SLC17A8: variants seen among roughly 807,000 people sequenced by gnomAD.
SLC17A8 encodes solute carrier family 17 member 8.
Under a neutral mutation model 58.0 loss-of-function variants are expected in SLC17A8, and 31 were observed. The observed-to-expected ratio is 0.53, with a 90% CI of 0.40 to 0.72. SLC17A8 has a LOEUF of 0.72. Ranked by LOEUF, SLC17A8 falls within the 30% of genes least tolerant of loss-of-function variation. The probability of loss-of-function intolerance (pLI) is 0.00; values close to 1 mark genes in which losing one functional copy is unlikely to be tolerated. For missense variants in SLC17A8, 655 were observed against 727.8 expected, an observed-to-expected ratio of 0.90 and a Z score of 1.15; for synonymous variants, 228 against 249.0, an observed-to-expected ratio of 0.92 and a Z score of 0.79.
intron 1 of SLC17A8, among the ~76,000 whole-genome samples, chr12:100,359,891 T>C (rs965851512): frequency 2.6e-5 from 4 of 152,218 alleles, no homozygotes; most frequent in Non-Finnish European, 5.9e-5. Flanking sequence ...CTGTTTTCTG[T>C]TTTGTAGGAG....
intron 1 of SLC17A8, among the ~76,000 whole-genome samples, chr12:100,365,942 T>C (rs1174152243): frequency 6.6e-6 from 1 of 152,174 alleles, no homozygotes; most frequent in Admixed American, 6.5e-5. Flanking sequence ...TGTGAATTTC[T>C]TAGCCTCCTT....
At chr12:100,373,577 CTTTTTTT>C (rs11296057) in intron 1 of SLC17A8, among the ~76,000 whole-genome samples, 2 of 87,654 alleles carry the variant, frequency 2.3e-5, no homozygotes, top group South Asian at 5.2e-4. Context: ...AAATCAGTGA[CTTTTTTT>C]TTTTTTTTTT....
At chr12:100,377,570 T>G (rs1952603030) in intron 1 of SLC17A8, among the ~76,000 whole-genome samples, 1 of 125,448 alleles carries the variant, frequency 8.0e-6, no homozygotes, top group South Asian at 2.4e-4. Context: ...GGCTTCAAGA[T>G]ATATATATAT....
At chr12:100,382,613 G>T (rs577804685) in intron 2 of SLC17A8, among the ~76,000 whole-genome samples, 4 of 152,258 alleles carry the variant, frequency 2.6e-5, no homozygotes, top group Admixed American at 6.5e-5. Context: ...ACAGTTTTTT[G>T]AACTAGTGTC....
At chr12:100,379,232 C>A (rs574554315) in intron 1 of SLC17A8, among the ~76,000 whole-genome samples, 1 of 151,856 alleles carries the variant, frequency 6.6e-6, no homozygotes, top group African/African-American at 2.4e-5. Flanking sequence ...GTCAGGAGAT[C>A]GAAACCATCC....
intron 1 of SLC17A8, among the ~76,000 whole-genome samples, chr12:100,369,022 C>T (rs144347369): frequency 0.02 from 3,058 of 152,262 alleles, 78 homozygotes; most frequent in African/African-American, 0.066. Context: ...CCTGTAATCC[C>T]AGCACTTTGG....
At chr12:100,389,593 T>C (rs1952699369) in intron 2 of SLC17A8, among the ~76,000 whole-genome samples, 1 of 151,264 alleles carries the variant, frequency 6.6e-6, no homozygotes, top group South Asian at 2.1e-4. Flanking sequence ...ACACACATTA[T>C]ATATATTATA....
intron 1 of SLC17A8, among the ~76,000 whole-genome samples, chr12:100,380,028 G>A (rs1952622495): frequency 6.6e-6 from 1 of 151,836 alleles, no homozygotes; most frequent in South Asian, 2.1e-4. Flanking sequence ...GAGAAACCCC[G>A]TCTCTACTGA....
At chr12:100,400,444 T>C (rs1005057645) in intron 5 of SLC17A8, among the ~76,000 whole-genome samples, 6 of 152,184 alleles carry the variant, frequency 3.9e-5, no homozygotes, top group African/African-American at 1.4e-4. Context: ...AACAACCCCT[T>C]GAGATGGATA....
At chr12:100,404,351 T>A (rs1412471527) in intron 9 of SLC17A8, 181 bp downstream of exon 9, 1 of 716,292 alleles carries the variant, frequency 1.4e-6, no homozygotes, top group Non-Finnish European at 2.4e-6. Context: ...GTCATCCAGC[T>A]GGGACCTTTC....
intron 1 of SLC17A8, 64 bp from the exon 2 acceptor site, chr12:100,380,637 T>C: frequency 6.2e-7 from 1 of 1,601,594 alleles, no homozygotes; most frequent in Middle Eastern, 2.1e-4. Context: ...TCTTTTTGCT[T>C]AGTATACTTT....
chr12:100,414,871 T>G (rs1173936502), intron 10 of SLC17A8, among the ~76,000 whole-genome samples: 1 of 152,168 alleles, frequency 6.6e-6, no homozygotes, highest in African/African-American at 2.4e-5. Context: ...AGCTCTAGGG[T>G]GGAGCCTGAG....
In SLC17A8 at chr12:100,357,087, C is replaced by A; in HGVS notation, c.-305C>A. 2.7e-6 allele frequency: 1 copy of A among 372,926 alleles called. No homozygotes were observed. The highest frequency in any genetic ancestry group is 5.2e-6 in the Non-Finnish European group (1 of 193,498). 23.1% of individuals were successfully genotyped at this position (372,926 alleles called of 1,614,324 possible). ...GAGGCTGCGCTCAGTCTGAGAGTGGCTGCCTGAGACAGCTGCCACAGGCTG... is the reference window on the plus strand; with the variant it reads ...GAGGCTGCGCTCAGTCTGAGAGTGGATGCCTGAGACAGCTGCCACAGGCTG... On this transcript the variant is annotated 5_prime_UTR_variant, in exon 1 of 12. It adds an upstream start codon to the 5' untranslated region. Coordinates refer to ENST00000323346, the MANE Select transcript of SLC17A8 (RefSeq NM_139319.3).
At chr12:100,366,859 T>C (rs1952523891) in intron 1 of SLC17A8, among the ~76,000 whole-genome samples, 2 of 152,220 alleles carry the variant, frequency 1.3e-5, no homozygotes, top group South Asian at 2.1e-4. Flanking sequence ...ATCTCTGAGA[T>C]TCCTATGGGC....
intron 1 of SLC17A8, among the ~76,000 whole-genome samples, chr12:100,373,250 G>A (rs1055728133): frequency 4.6e-5 from 7 of 152,306 alleles, no homozygotes; most frequent in South Asian, 2.1e-4. Flanking sequence ...GAAGGAAAAC[G>A]AAATGGGATA....
chr12:100,418,292 T>A, intron 11 of SLC17A8, 136 bp downstream of exon 11: 1 of 1,084,392 alleles, frequency 9.2e-7, no homozygotes, highest in Non-Finnish European at 1.4e-6. Context: ...GAACTTCTTT[T>A]TTTTTTCTTC....
intron 9 of SLC17A8, among the ~76,000 whole-genome samples, chr12:100,409,527 C>G (rs539491573): frequency 3.9e-4 from 60 of 152,156 alleles, no homozygotes; most frequent in African/African-American, 1.3e-3. Context: ...TAGACAGACT[C>G]TGTGTTAAAT....
At position 100,402,431 on chromosome 12, in the gene SLC17A8, C is replaced by A; in HGVS notation, c.855C>A (p.Thr285=). The A allele has an allele frequency of 6.2e-7, 1 of 1,613,998 alleles. No individual in the cohort carries two copies. Among genetic ancestry groups the A allele is most frequent in the Non-Finnish European group, 8.5e-7 (1 of 1,179,992 alleles). ...AHPTISNEEK[T]YIETSIGEGA... ...CAACAATATCCAATGAGGAGAAGAC[C>A]TATATAGAGACAAGCATAGGAGAGG... Residue 285 remains threonine (T), a synonymous_variant, in exon 7 of 12, where the codon ACC becomes ACA. Coordinates refer to ENST00000323346, the MANE Select transcript of SLC17A8 (RefSeq NM_139319.3).
intron 1 of SLC17A8, among the ~76,000 whole-genome samples, chr12:100,378,345 T>C (rs1231627927): frequency 4.6e-5 from 7 of 152,170 alleles, no homozygotes; most frequent in Non-Finnish European, 1.0e-4. Flanking sequence ...AAATGACCTT[T>C]GGACTGAGCC....
Sources: gnomAD v4.1 joint callset for allele counts (sites outside exome capture counted in the v4.1 genomes callset) on GRCh38, gnomAD v4.1.1 for gene constraint, MANE v1.5 for transcripts, NCBI Gene and HGNC (gene_info 2026-07-23, HGNC 2026-07-21) for gene names.